C1GALT1: variants seen among roughly 807,000 people sequenced by gnomAD.
The protein encoded by C1GALT1 is glycoprotein-N-acetylgalactosamine 3-beta-galactosyltransferase 1.
A neutral mutation model predicts 31.0 loss-of-function variants in C1GALT1; 11 were observed. The observed-to-expected ratio is 0.36, with a 90% CI of 0.22 to 0.59. The LOEUF (loss-of-function observed/expected upper bound fraction) is 0.59, where lower values mean the gene tolerates loss of function less well. C1GALT1 is among the 20% of genes least tolerant of loss of function. C1GALT1 has a pLI of 0.79. For missense variants in C1GALT1, 424 were observed against 425.2 expected (o/e 1.00, Z 0.03); for synonymous variants, 175 against 143.6 (o/e 1.22, Z -1.56).
chr7:7,203,150 A>G (rs1370249048), intron 1 of C1GALT1, among the ~76,000 whole-genome samples: 1 of 134,960 alleles, frequency 7.4e-6, no homozygotes, highest in Admixed American at 7.6e-5. Context: ...TATCATTTGT[A>G]AGAAGATAAT....
At chr7:7,195,037 T>C (rs1371737955) in intron 1 of C1GALT1, among the ~76,000 whole-genome samples, 1 of 152,206 alleles carries the variant, frequency 6.6e-6, no homozygotes, top group East Asian at 1.9e-4. Flanking sequence ...TCATTTCTAA[T>C]TGAGCTTATT....
At chr7:7,211,944 G>A (rs546213929) in intron 1 of C1GALT1, among the ~76,000 whole-genome samples, 33 of 152,278 alleles carry the variant, frequency 2.2e-4, no homozygotes, top group Middle Eastern at 3.4e-3. Flanking sequence ...GATAAGCTTT[G>A]GAGCAAAATT....
At chr7:7,178,835 A>G (rs1780536777), upstream of C1GALT1, among the ~76,000 whole-genome samples, 1 of 152,222 alleles carries the variant, frequency 6.6e-6, no homozygotes, top group African/African-American at 2.4e-5. Context: ...TTGTTGTATA[A>G]CAAACTATCC....
intron 1 of C1GALT1, among the ~76,000 whole-genome samples, chr7:7,216,873 C>A (rs1782268377): frequency 6.6e-6 from 1 of 152,172 alleles, no homozygotes; most frequent in African/African-American, 2.4e-5. Context: ...ATGTGCTTCC[C>A]AGAGAAACCA....
intron 1 of C1GALT1, among the ~76,000 whole-genome samples, chr7:7,206,828 T>G (rs984312492): frequency 1.3e-5 from 2 of 151,962 alleles, no homozygotes; most frequent in Admixed American, 6.6e-5. Context: ...TGATGAGAAA[T>G]CTGATAATTT....
chr7:7,242,676 T>G (rs1783685325), intron 3 of C1GALT1, among the ~76,000 whole-genome samples: 1 of 152,040 alleles, frequency 6.6e-6, no homozygotes. Context: ...TTTTTCTGTC[T>G]TCTTAATTTT....
At chr7:7,187,640 A>G (rs192141815) in intron 1 of C1GALT1, among the ~76,000 whole-genome samples, 1 of 152,300 alleles carries the variant, frequency 6.6e-6, no homozygotes. Flanking sequence ...GGCTTCCACA[A>G]CAGAGAGTTA....
intron 1 of C1GALT1, among the ~76,000 whole-genome samples, chr7:7,192,184 G>A (rs527870074): frequency 1.3e-5 from 2 of 151,636 alleles, no homozygotes; most frequent in Non-Finnish European, 2.9e-5. Flanking sequence ...AACAGGTGGT[G>A]TTGGGTTACA....
intron 2 of C1GALT1, among the ~76,000 whole-genome samples, chr7:7,161,186 T>G (rs1780329712): frequency 6.6e-6 from 1 of 152,118 alleles, no homozygotes; most frequent in Non-Finnish European, 1.5e-5. Flanking sequence ...TCTATTGACA[T>G]GTAACCATCC....
At chr7:7,218,814 A>G (rs980123671) in intron 1 of C1GALT1, among the ~76,000 whole-genome samples, 3 of 151,702 alleles carry the variant, frequency 2.0e-5, no homozygotes, top group Non-Finnish European at 4.4e-5. Context: ...TCAAATTGGT[A>G]TACATCTCAA....
At chr7:7,237,969 C>G (rs1783441701) in intron 2 of C1GALT1, among the ~76,000 whole-genome samples, 1 of 152,082 alleles carries the variant, frequency 6.6e-6, no homozygotes, top group South Asian at 2.1e-4. Context: ...TAACAGGCTC[C>G]CAGGTGATGC....
At position 7,159,056 on chromosome 7, in the gene C1GALT1, AT is replaced by A. The variant is rs138513118; in HGVS notation, c.-18+1635del. Among the ~76,000 whole-genome samples, 134 of 152,246 alleles carry A rather than the reference AT, an allele frequency of 8.8e-4. 1 individual carries two copies. In the East Asian group the frequency reaches 0.024, roughly 27 times the overall value. On this transcript the variant is annotated intron_variant, in intron 2 of 3. Coordinates refer to the C1GALT1 transcript ENST00000429911. ...AATAGGGCATGTTTGTGACTTATGC[AT>A]TTTTGGAGTGAAGCAATTCATTGCT...
chr7:7,220,189 T>G (rs1282596767), intron 1 of C1GALT1, among the ~76,000 whole-genome samples: 1 of 152,232 alleles, frequency 6.6e-6, no homozygotes, highest in African/African-American at 2.4e-5. Flanking sequence ...CAATTAAAAT[T>G]AATAGGAATT....
chr7:7,188,138 A>C (rs887031897), intron 1 of C1GALT1, among the ~76,000 whole-genome samples: 2 of 152,134 alleles, frequency 1.3e-5, no homozygotes, highest in Non-Finnish European at 2.9e-5. Context: ...GATTAGAATA[A>C]TATTTAGGAA....
rs547590191 is a variant in C1GALT1 at position 7,171,785 on chromosome 7, C to T, written c.-18+14359C>T. Among the ~76,000 whole-genome samples the T allele has an allele frequency of 1.6e-3, 240 of 152,070 alleles. 3 individuals are homozygous for T. Among genetic ancestry groups the T allele is most frequent in the Middle Eastern group, 0.01 (3 of 294 alleles). ...TTCTTTGTGGTTACCATAGCAATTACGTTTAATGCCCTAAATTTAAGGCAA... is the reference window on the plus strand; with the variant it reads ...TTCTTTGTGGTTACCATAGCAATTATGTTTAATGCCCTAAATTTAAGGCAA... On this transcript the variant is annotated intron_variant, in intron 2 of 3. Coordinates refer to the C1GALT1 transcript ENST00000429911.
chr7:7,215,244 C>T (rs1782181230), intron 1 of C1GALT1, among the ~76,000 whole-genome samples: 1 of 152,162 alleles, frequency 6.6e-6, no homozygotes, highest in South Asian at 2.1e-4. Context: ...CCTAAGGTAC[C>T]CTTTCTTTGA....
At chr7:7,206,587 A>C in intron 1 of C1GALT1, among the ~76,000 whole-genome samples, 1 of 151,732 alleles carries the variant, frequency 6.6e-6, no homozygotes, top group East Asian at 1.9e-4. Flanking sequence ...GAGGCAGGAG[A>C]ATCGCTTGAA....
intron 1 of C1GALT1, among the ~76,000 whole-genome samples, chr7:7,222,662 T>C (rs1782562513): frequency 6.6e-6 from 1 of 152,250 alleles, no homozygotes; most frequent in South Asian, 2.1e-4. Context: ...GGAAATTTGA[T>C]TACAGACTGT....
At chr7:7,215,728 TC>T (rs1223457488) in intron 1 of C1GALT1, among the ~76,000 whole-genome samples, 1 of 152,130 alleles carries the variant, frequency 6.6e-6, no homozygotes, top group African/African-American at 2.4e-5. Flanking sequence ...ATATTGCTTA[TC>T]TCCAAAATTC....
Sources: gnomAD v4.1 joint callset for allele counts (sites outside exome capture counted in the v4.1 genomes callset) on GRCh38, gnomAD v4.1.1 for gene constraint, MANE v1.5 for transcripts, NCBI Gene and HGNC (gene_info 2026-07-23, HGNC 2026-07-21) for gene names.